STK33: variants seen among roughly 807,000 people sequenced by gnomAD.
The protein encoded by STK33 is serine/threonine-protein kinase 33.
STK33 carries 52 observed loss-of-function variants against 58.0 expected under a neutral mutation model. The observed-to-expected ratio is 0.90, with a 90% confidence interval of 0.72 to 1.13. STK33 has a LOEUF of 1.13. STK33 is among the 50% of genes most tolerant of loss of function. The pLI is 0.00. For missense variants in STK33, 630 were observed against 604.2 expected, an observed-to-expected ratio of 1.04 and a Z score of -0.45; for synonymous variants, 215 against 200.1, an observed-to-expected ratio of 1.07 and a Z score of -0.63.
At chr11:8,350,297 G>A in the STK33 span, among the ~76,000 whole-genome samples, 3 of 152,184 alleles carry the variant, frequency 2.0e-5, no homozygotes, top group Admixed American at 6.5e-5. Flanking sequence ...GGCAGTTAGC[G>A]CAAGGGCAGA....
At chr11:8,458,458 C>T (rs865881237) in intron 8 of STK33, among the ~76,000 whole-genome samples, 20 of 149,236 alleles carry the variant, frequency 1.3e-4, no homozygotes, top group Non-Finnish European at 2.2e-4. Flanking sequence ...CCCAATGTGG[C>T]TCTCAAACTG....
chr11:8,576,303 T>A (rs1413357622), intron 1 of STK33, among the ~76,000 whole-genome samples: 3 of 152,192 alleles, frequency 2.0e-5, no homozygotes, highest in Admixed American at 6.5e-5. Context: ...CAAGGTGACC[T>A]CCCTCATTCA....
At chr11:8,353,862 T>C in the STK33 span, among the ~76,000 whole-genome samples, 1 of 152,326 alleles carries the variant, frequency 6.6e-6, no homozygotes, top group Admixed American at 6.5e-5. Context: ...ATCCAGGCCA[T>C]TTGGAACCAA....
chr11:8,402,345 C>A (rs957031252), intron 15 of STK33, among the ~76,000 whole-genome samples: 2 of 152,068 alleles, frequency 1.3e-5, no homozygotes, highest in African/African-American at 4.8e-5. Flanking sequence ...AACCATCATT[C>A]TCAGCAAACT....
At chr11:8,406,589 T>A (rs941715994) in intron 15 of STK33, among the ~76,000 whole-genome samples, 1 of 152,214 alleles carries the variant, frequency 6.6e-6, no homozygotes, top group Non-Finnish European at 1.5e-5. Flanking sequence ...TTTGCATATA[T>A]TTTGTTAGAT....
the STK33 span, among the ~76,000 whole-genome samples, chr11:8,382,986 A>G: frequency 6.6e-6 from 1 of 152,182 alleles, no homozygotes; most frequent in South Asian, 2.1e-4. Context: ...TAGGAAAATA[A>G]CCATGCTTCA....
At chr11:8,427,068 T>A (rs978923830) in intron 14 of STK33, among the ~76,000 whole-genome samples, 4 of 152,186 alleles carry the variant, frequency 2.6e-5, no homozygotes, top group African/African-American at 9.7e-5. Context: ...TACCAAGACA[T>A]TTAAAGACTC....
the STK33 span, among the ~76,000 whole-genome samples, chr11:8,367,024 A>C: frequency 6.6e-6 from 1 of 152,210 alleles, no homozygotes; most frequent in Admixed American, 6.5e-5. Context: ...GAATACATCC[A>C]TGCCATGTGT....
At chr11:8,376,786 C>T in the STK33 span, among the ~76,000 whole-genome samples, 3 of 152,018 alleles carry the variant, frequency 2.0e-5, no homozygotes, top group Non-Finnish European at 4.4e-5. Flanking sequence ...GTGATCCTCC[C>T]ACATCAGCCT....
At chr11:8,353,249 C>T in the STK33 span, among the ~76,000 whole-genome samples, 2 of 152,174 alleles carry the variant, frequency 1.3e-5, no homozygotes, top group Admixed American at 1.3e-4. Flanking sequence ...CAAGAAGCCA[C>T]GAACCTGAGT....
chr11:8,351,174 A>G, the STK33 span, among the ~76,000 whole-genome samples: 1 of 152,178 alleles, frequency 6.6e-6, no homozygotes, highest in African/African-American at 2.4e-5. Flanking sequence ...CCAAACGCCA[A>G]TTCTATTCCC....
chr11:8,562,223 T>C (rs974841368), intron 1 of STK33, among the ~76,000 whole-genome samples: 6 of 152,220 alleles, frequency 3.9e-5, no homozygotes, highest in Non-Finnish European at 7.4e-5. Flanking sequence ...TAGTTATTCA[T>C]TTATGTTCAT....
At chr11:8,452,199 T>C (rs1014832993) in intron 11 of STK33, among the ~76,000 whole-genome samples, 1 of 151,878 alleles carries the variant, frequency 6.6e-6, no homozygotes, top group Non-Finnish European at 1.5e-5. Context: ...CAAGACTCCG[T>C]TTCGAAAAAA....
chr11:8,408,440 C>T lies in STK33; in HGVS notation c.1344+5055G>A, dbSNP rs546453010. ...GGTTAAGCCTGTGGTAAAACCTAAG[C>T]CTTATACAAAAAGCTCTTGTGTGGG... On this transcript the variant is annotated intron_variant, in intron 15 of 15. Transcript: ENST00000687296. Among the ~76,000 whole-genome samples, 66 of 152,236 alleles carry T rather than the reference C, an allele frequency of 4.3e-4. 1 individual carries two copies. Among genetic ancestry groups the T allele is most frequent in the South Asian group, 1.0e-3 (5 of 4,822 alleles).
rs117698388 is a variant in STK33 at position 8,403,446 on chromosome 11, T to C, written c.1344+10049A>G. 9.0e-3 allele frequency among the ~76,000 whole-genome samples: 1,366 copies of C among 152,336 alleles called. 8 individuals are homozygous for C. Among genetic ancestry groups the C allele is most frequent in the Middle Eastern group, 0.044 (13 of 294 alleles). On this transcript the variant is annotated intron_variant, in intron 15 of 15. Coordinates refer to ENST00000687296, the MANE Select transcript of STK33 (RefSeq NM_001352389.2). ...ATCTAAAAGGTAAAGAATAAGAGGC[T>C]ATATATAATCAAAATCTATAAAATG...
At chr11:8,420,794 C>T (rs901023764) in intron 14 of STK33, among the ~76,000 whole-genome samples, 1 of 151,980 alleles carries the variant, frequency 6.6e-6, no homozygotes, top group Non-Finnish European at 1.5e-5. Flanking sequence ...CTCAGGAGTT[C>T]GAGACCAGCC....
At chr11:8,507,187 T>A (rs1183016577) in intron 1 of STK33, among the ~76,000 whole-genome samples, 1 of 152,148 alleles carries the variant, frequency 6.6e-6, no homozygotes, top group Admixed American at 6.5e-5. Context: ...AGAGCCTTGG[T>A]TGAGCAAAAC....
At chr11:8,591,263 T>G (rs1344269303) in intron 1 of STK33, among the ~76,000 whole-genome samples, 3 of 152,182 alleles carry the variant, frequency 2.0e-5, no homozygotes, top group African/African-American at 7.2e-5. Flanking sequence ...CTCTTTTAGA[T>G]TTTTTATTGG....
At chr11:8,448,621 T>C (rs1169838631) in intron 11 of STK33, among the ~76,000 whole-genome samples, 28 of 152,060 alleles carry the variant, frequency 1.8e-4, no homozygotes, top group South Asian at 8.3e-4. Flanking sequence ...ACACCTTATA[T>C]AAAAATTAAT....
Sources: gnomAD v4.1 joint callset for allele counts (sites outside exome capture counted in the v4.1 genomes callset) on GRCh38, gnomAD v4.1.1 for gene constraint, MANE v1.5 for transcripts, NCBI Gene and HGNC (gene_info 2026-07-23, HGNC 2026-07-21) for gene names.